Variants in TBC1D16 observed in about 807,000 individuals in gnomAD.
TBC1D16 encodes the protein TBC1 domain family member 16.
In TBC1D16, 58 loss-of-function variants were observed where a neutral mutation model predicts 74.7. The observed-to-expected ratio is 0.78, with a 90% CI of 0.63 to 0.97. TBC1D16 has a LOEUF of 0.97. Ranked by LOEUF, TBC1D16 falls within the 50% of genes least tolerant of loss-of-function variation. The pLI, the probability that TBC1D16 is intolerant of heterozygous loss-of-function variation, is 0.00. For synonymous variants in TBC1D16, 493 were observed against 474.7 expected, an observed-to-expected ratio of 1.04 and a Z score of -0.50; for missense variants, 1,014 against 1,079.5, an observed-to-expected ratio of 0.94 and a Z score of 0.85.
At chr17:80,013,298 C>A in intron 2 of TBC1D16, 69 bp downstream of exon 2, 1 of 1,452,192 alleles carries the variant, frequency 6.9e-7, no homozygotes, top group Non-Finnish European at 9.3e-7. Context: ...TGGCCCAGGG[C>A]CTTTAGAGCC....
intron 1 of TBC1D16, among the ~76,000 whole-genome samples, chr17:80,033,451 C>A (rs2036842394): frequency 6.6e-6 from 1 of 151,932 alleles, no homozygotes. Flanking sequence ...TGGCTCACTG[C>A]AGCCCTGACC....
chr17:79,940,907 G>C lies in TBC1D16; in HGVS notation c.2256C>G (p.Gly752=), dbSNP rs893869739. 6.3e-7 allele frequency: 1 copy of C among 1,584,078 alleles called. No homozygotes were observed. The highest frequency in any genetic ancestry group is 1.3e-5 in the African/African-American group (1 of 74,294). Residue 752 remains glycine, a synonymous_variant, in exon 12 of 12, where the codon GGC becomes GGG. Coordinates refer to ENST00000310924, the MANE Select transcript of TBC1D16 (RefSeq NM_019020.4). The surrounding 1 kb of genome is among the most constrained non-coding windows in gnomAD (Gnocchi z 5.4). ...CCTGCGGCGTCTTTGGGCCCTTCTT[G>C]CCTTCCCTCAGGGACTTGGGGGAAG... ...EMPSPKSLRE[G]KKGPKTPQDG...
chr17:79,990,968 AAC>A lies in TBC1D16; in HGVS notation c.779+19190_779+19191del, dbSNP rs2035035284. Among the ~76,000 whole-genome samples the A allele has an allele frequency of 6.6e-6, 1 of 152,202 alleles. No homozygotes were observed. Among genetic ancestry groups the A allele is most frequent in the South Asian group, 2.1e-4 (1 of 4,838 alleles). On this transcript the variant is annotated intron_variant, in intron 3 of 11. Transcript: ENST00000310924. This position sits in a 1 kb window ranked among gnomAD's most constrained non-coding sequence, Gnocchi z 4.8. ...TGGGTGTGTGTGGAACATGTGTGTG[AAC>A]ACACCGCGTTTCTCTAGTCACCCGT...
intron 3 of TBC1D16, among the ~76,000 whole-genome samples, chr17:80,003,590 T>C (rs1489772016): frequency 1.3e-5 from 2 of 151,984 alleles, no homozygotes; most frequent in Non-Finnish European, 2.9e-5. Flanking sequence ...TATACATTGG[T>C]TTTCATTCTA....
chr17:80,032,232 C>A (rs1311352070), intron 1 of TBC1D16, among the ~76,000 whole-genome samples: 1 of 152,210 alleles, frequency 6.6e-6, no homozygotes, highest in African/African-American at 2.4e-5. Flanking sequence ...GAAAATACTG[C>A]CACATCTCAG....
At chr17:80,029,168 G>A (rs67296984) in intron 1 of TBC1D16, among the ~76,000 whole-genome samples, 38,778 of 152,022 alleles carry the variant, frequency 0.26, 5,057 homozygotes, top group Middle Eastern at 0.28. Flanking sequence ...CAGCTGGCAG[G>A]GGTGTTAAAC....
At position 79,979,376 on chromosome 17, in the gene TBC1D16, G is replaced by A. The variant is rs1212341029; in HGVS notation, c.780-26558C>T. ...CCCAGCAGAGGGATCAAGGGCTCAG[G>A]CATCCCCAGTGCCGCCAATCACGTG... On this transcript the variant is annotated intron_variant, in intron 3 of 11. Transcript: ENST00000310924. The surrounding 1 kb of genome is among the most constrained non-coding windows in gnomAD (Gnocchi z 4.8). Among the ~76,000 whole-genome samples, 1 of 152,158 alleles carries A rather than the reference G, an allele frequency of 6.6e-6. No homozygotes were observed. The highest frequency in any genetic ancestry group is 2.4e-5 in the African/African-American group (1 of 41,434).
Position 80,010,761 on chromosome 17 carries a change from T to C in TBC1D16, c.182-4A>G, listed in dbSNP as rs1165795374. 6.1e-6 allele frequency: 9 copies of C among 1,479,848 alleles called. No homozygotes were observed. In the East Asian group the frequency reaches 1.7e-4, roughly 27 times the overall value. The allele number at this position is 1,479,848 out of a possible 1,614,324, so 91.7% of individuals were successfully genotyped here. The stretch of plus-strand genomic sequence containing the variant: ...TCCATGTACAAGCACAGGTAACCTG[T>C]GAGGAGCCAGGGGGATGGCACGTTA... On this transcript the variant is annotated splice_polypyrimidine_tract_variant and splice_region_variant and intron_variant, in intron 2 of 11. Transcript: ENST00000310924. The surrounding 1 kb of genome is among the most constrained non-coding windows in gnomAD (Gnocchi z 8.8).
rs534666664 is a variant in TBC1D16, at chr17:79,994,532, TC to T, written c.779+15627del. 3.3e-5 allele frequency among the ~76,000 whole-genome samples: 5 copies of T among 152,198 alleles called. No homozygotes were observed. The highest frequency in any genetic ancestry group is 7.3e-5 in the Non-Finnish European group (5 of 68,038). On this transcript the variant is annotated intron_variant, in intron 3 of 11. Coordinates refer to ENST00000310924, the MANE Select transcript of TBC1D16 (RefSeq NM_019020.4). The surrounding 1 kb of genome is among the most constrained non-coding windows in gnomAD (Gnocchi z 4.6). ...TCTGCCTCCTGGGTTCAAGCAATTC[TC>T]CTGTCTCAGCCTCCCAAGTAGCTGG...
rs899069464 is a variant in TBC1D16 at position 79,985,741 on chromosome 17, T to C, written c.779+24419A>G. Among the ~76,000 whole-genome samples the C allele has an allele frequency of 2.6e-5, 4 of 152,214 alleles. No individual in the cohort carries two copies. The highest frequency in any genetic ancestry group is 9.7e-5 in the African/African-American group (4 of 41,450). ...ACTTTCTGTGTGAAGACCTCTCTAA[T>C]TGCGCACACTCCCCCCTCGGCTGGG... On this transcript the variant is annotated intron_variant, in intron 3 of 11. Coordinates refer to ENST00000310924, the MANE Select transcript of TBC1D16 (RefSeq NM_019020.4). This position sits in a 1 kb window ranked among gnomAD's most constrained non-coding sequence, Gnocchi z 4.9.
intron 1 of TBC1D16, among the ~76,000 whole-genome samples, chr17:80,029,294 G>A (rs780858291): frequency 5.3e-5 from 8 of 152,192 alleles, no homozygotes; most frequent in Non-Finnish European, 1.0e-4. Flanking sequence ...CCTAAGGAGA[G>A]AGGGGCGGGC....
chr17:79,986,891 G>C lies in TBC1D16; in HGVS notation c.779+23269C>G, dbSNP rs759916966. Among the ~76,000 whole-genome samples, 2 of 152,234 alleles carry C rather than the reference G, an allele frequency of 1.3e-5. No homozygotes were observed. Among genetic ancestry groups the C allele is most frequent in the African/African-American group, 4.8e-5 (2 of 41,458 alleles). On this transcript the variant is annotated intron_variant, in intron 3 of 11. Coordinates refer to ENST00000310924, the MANE Select transcript of TBC1D16 (RefSeq NM_019020.4). The surrounding 1 kb of genome is among the most constrained non-coding windows in gnomAD (Gnocchi z 6.0). ...TGATGCATGGGAGGAGCTGGACTGC[G>C]GTCAGCCGTCCCCTCGCGCCCTCCG...
intron 3 of TBC1D16, among the ~76,000 whole-genome samples, chr17:79,962,647 T>A (rs1278589463): frequency 6.6e-6 from 1 of 152,098 alleles, no homozygotes. Context: ...AAACAATAGC[T>A]TCCAGGCCAG....
rs779845852 is a variant in TBC1D16 at position 79,945,028 on chromosome 17, C to A, written c.1788G>T (p.Ser596=). The A allele has an allele frequency of 2.5e-6, 4 of 1,582,348 alleles. No individual in the cohort carries two copies. The highest frequency in any genetic ancestry group is 1.7e-4 in the Middle Eastern group (1 of 6,042). ...THVRFYQHLV[S]LGEDGLQMLF... is the part of the protein sequence containing the mutation. ...GCATCTGCAGGCCGTCCTCGCCCAG[C>A]GAGACCAGGTGCTGGTAGAAGCGCA... Residue 596 remains serine (S), a synonymous_variant, in exon 10 of 12, where the codon TCG becomes TCT. Coordinates refer to ENST00000310924, the MANE Select transcript of TBC1D16 (RefSeq NM_019020.4).
In TBC1D16 at chr17:80,009,608, A is replaced by T. The variant is rs1355159534; in HGVS notation, c.779+552T>A. On this transcript the variant is annotated intron_variant, in intron 3 of 11. Transcript: ENST00000310924. The surrounding 1 kb of genome is among the most constrained non-coding windows in gnomAD (Gnocchi z 5.4). ...TCAACACTGCCCCGGGACTACATCC[A>T]TCCTCCACAGCTATGAGAAAGAGGG... is the stretch of plus-strand genomic sequence containing the variant. Among the ~76,000 whole-genome samples, 1 of 152,182 alleles carries T rather than the reference A, an allele frequency of 6.6e-6. No homozygotes were observed. The highest frequency in any genetic ancestry group is 1.5e-5 in the Non-Finnish European group (1 of 68,010).
chr17:80,030,256 C>A (rs142110374), intron 1 of TBC1D16, among the ~76,000 whole-genome samples: 1 of 152,168 alleles, frequency 6.6e-6, no homozygotes, highest in African/African-American at 2.4e-5. Context: ...ACTCGCAGGG[C>A]GGCCTCTGAC....
Position 79,974,942 on chromosome 17 carries a change from TC to T in TBC1D16, c.780-22125del, listed in dbSNP as rs536173652. ...CTTTGTGGCTACCTCCCTGTCCGAT[TC>T]CTGATTTGGCCTCGGTTTTTGCCTT... On this transcript the variant is annotated intron_variant, in intron 3 of 11. Transcript: ENST00000310924. 3.1e-3 allele frequency among the ~76,000 whole-genome samples: 473 copies of T among 152,328 alleles called. 3 individuals carry two copies. Among genetic ancestry groups the T allele is most frequent in the African/African-American group, 0.011 (459 of 41,570 alleles).
In TBC1D16 at chr17:79,941,089, G is replaced by C. The variant is rs2031935535; in HGVS notation, c.2074C>G (p.Gln692Glu). 1.3e-6 allele frequency: 2 copies of C among 1,584,646 alleles called. No homozygotes were observed. Among genetic ancestry groups the C allele is most frequent in the Non-Finnish European group, 1.7e-6 (2 of 1,163,958 alleles). Residue 692 changes from glutamine to glutamate, a missense_variant, in exon 12 of 12, where the codon CAG becomes GAG. Transcript: ENST00000310924. The surrounding 1 kb of genome is among the most constrained non-coding windows in gnomAD (Gnocchi z 4.3). ...VLRKARSLLY[Q>E]FRLLPRIPCS... ...GGGATCCGGGGCAGGAGGCGGAACT[G>C]GTACAGCAAACTCCTCGCCTGCAGA... is the stretch of plus-strand genomic sequence containing the variant.
intron 3 of TBC1D16, among the ~76,000 whole-genome samples, chr17:80,002,927 G>A (rs527662071): frequency 5.3e-5 from 8 of 152,264 alleles, no homozygotes; most frequent in Admixed American, 3.3e-4. Context: ...AACACCACGC[G>A]GCCTTGATAG....
Sources: allele counts gnomAD v4.1 joint callset (sites outside exome capture counted in the v4.1 genomes callset), GRCh38; gene constraint gnomAD v4.1.1; non-coding constraint Gnocchi (gnomAD v3.1); transcripts MANE v1.5; gene names NCBI Gene and HGNC (gene_info 2026-07-23, HGNC 2026-07-21).